The following ARHGAP42 variants were observed in gnomAD, a reference collection of about 807,000 sequenced individuals.
ARHGAP42 encodes the protein Rho GTPase activating protein 42.
ARHGAP42 carries 63 observed loss-of-function variants against 125.0 expected under a neutral mutation model. The observed-to-expected ratio is 0.50, with a 90% CI of 0.41 to 0.62. The LOEUF is 0.62. Ranked by LOEUF, ARHGAP42 falls within the 20% of genes least tolerant of loss-of-function variation. ARHGAP42 has a pLI of 0.00. For synonymous variants in ARHGAP42, 339 were observed against 351.0 expected, an observed-to-expected ratio of 0.97 and a Z score of 0.38; for missense variants, 766 against 1,024.2, an observed-to-expected ratio of 0.75 and a Z score of 3.44.
chr11:100,887,328 G>A (rs866448620), intron 4 of ARHGAP42, among the ~76,000 whole-genome samples: 30 of 152,214 alleles, frequency 2.0e-4, no homozygotes, highest in Admixed American at 5.2e-4. Flanking sequence ...TTGAGCCCTG[G>A]TTCTCTATAG....
chr11:100,849,858 C>A (rs2135125742), intron 3 of ARHGAP42, among the ~76,000 whole-genome samples: 1 of 152,190 alleles, frequency 6.6e-6, no homozygotes, highest in African/African-American at 2.4e-5. Context: ...ACATAAACAT[C>A]CCAAGTAAGT....
intron 2 of ARHGAP42, among the ~76,000 whole-genome samples, chr11:100,779,571 C>CGTATATATACATATATACGT (rs1565210799): frequency 1.7e-5 from 2 of 120,316 alleles, no homozygotes; most frequent in East Asian, 4.2e-4. Context: ...CGTATATATA[C>CGTATATATACATATATACGT]GTATATATAC....
At chr11:100,954,560 C>T (rs1023850426) in intron 12 of ARHGAP42, among the ~76,000 whole-genome samples, 5 of 152,100 alleles carry the variant, frequency 3.3e-5, no homozygotes, top group African/African-American at 1.2e-4. Flanking sequence ...ATGCAGTTAC[C>T]ATCTGTTATG....
At chr11:100,705,906 A>ATCAT (rs1374283119) in intron 1 of ARHGAP42, among the ~76,000 whole-genome samples, 1 of 150,886 alleles carries the variant, frequency 6.6e-6, no homozygotes, top group African/African-American at 2.4e-5. Flanking sequence ...TAGACCATGT[A>ATCAT]TCATTGCTTA....
At position 100,965,733 on chromosome 11, in the gene ARHGAP42, A is replaced by G; in HGVS notation, c.1507A>G (p.Lys503Glu). Reference sequence around the variant, plus strand: ...TGCATTGGTGCACAAATTGCCGGAGAAAAACAGAGAGATGCTGGACATCTT... The same window carrying G: ...TGCATTGGTGCACAAATTGCCGGAGGAAAACAGAGAGATGCTGGACATCTT... ...VHALVHKLPEKNREMLDILIK... is the reference protein window; with the variant it reads ...VHALVHKLPEENREMLDILIK... The change falls in exon 17 of 24, where the codon AAA (lysine) becomes GAA (glutamate). Residue 503 changes from lysine (K) to glutamate (E), a missense_variant. By Grantham distance (56) the Lys-to-Glu change is moderately conservative. Coordinates refer to ENST00000298815, the MANE Select transcript of ARHGAP42 (RefSeq NM_152432.4). The G allele has an allele frequency of 6.4e-7, 1 of 1,551,228 alleles. No individual in the cohort carries two copies.
At chr11:100,892,305 A>G (rs145628956) in intron 4 of ARHGAP42, among the ~76,000 whole-genome samples, 87 of 152,328 alleles carry the variant, frequency 5.7e-4, no homozygotes, top group African/African-American at 1.7e-3. Flanking sequence ...AAAGCCCTAA[A>G]TTATTGCAGT....
chr11:100,830,329 T>G (rs1274532687), intron 3 of ARHGAP42, among the ~76,000 whole-genome samples: 1 of 152,188 alleles, frequency 6.6e-6, no homozygotes, highest in East Asian at 1.9e-4. Flanking sequence ...AAGGATACCA[T>G]GCTACTTAAG....
At chr11:100,709,924 C>G (rs576651165) in intron 1 of ARHGAP42, among the ~76,000 whole-genome samples, 4 of 152,182 alleles carry the variant, frequency 2.6e-5, no homozygotes, top group South Asian at 4.1e-4. Flanking sequence ...CATCTGTTAT[C>G]CTGAAATGAA....
chr11:100,817,651 A>G (rs1864300047), intron 3 of ARHGAP42, among the ~76,000 whole-genome samples: 1 of 152,210 alleles, frequency 6.6e-6, no homozygotes, highest in Admixed American at 6.5e-5. Flanking sequence ...TAAGCCAGAC[A>G]TTACTCTAAG....
chr11:100,736,863 A>G (rs1247445113), intron 1 of ARHGAP42, among the ~76,000 whole-genome samples: 1 of 152,178 alleles, frequency 6.6e-6, no homozygotes, highest in Admixed American at 6.5e-5. Context: ...ATTTTTCCTT[A>G]CCTTTGATCA....
intron 4 of ARHGAP42, among the ~76,000 whole-genome samples, chr11:100,882,185 T>A (rs1457595322): frequency 6.6e-6 from 1 of 152,192 alleles, no homozygotes; most frequent in African/African-American, 2.4e-5. Flanking sequence ...TCAGAAGGAA[T>A]GCTTTCAACT....
At chr11:100,814,432 C>T (rs2135064745) in intron 3 of ARHGAP42, among the ~76,000 whole-genome samples, 1 of 151,536 alleles carries the variant, frequency 6.6e-6, no homozygotes, top group African/African-American at 2.4e-5. Context: ...GCTTTGAAAT[C>T]TAACTCTTTG....
intron 4 of ARHGAP42, among the ~76,000 whole-genome samples, chr11:100,878,138 C>A (rs1865869255): frequency 6.8e-6 from 1 of 146,596 alleles, no homozygotes; most frequent in African/African-American, 2.5e-5. Flanking sequence ...TTCTTTTTTT[C>A]TTTTTTTGAG....
intron 1 of ARHGAP42, among the ~76,000 whole-genome samples, chr11:100,740,900 T>C (rs1862170754): frequency 6.6e-6 from 1 of 152,186 alleles, no homozygotes; most frequent in South Asian, 2.1e-4. Flanking sequence ...CTTTAATTAG[T>C]TATTCCTGGA....
At chr11:100,780,229 C>T (rs1036165204) in intron 2 of ARHGAP42, among the ~76,000 whole-genome samples, 17 of 151,770 alleles carry the variant, frequency 1.1e-4, no homozygotes, top group African/African-American at 4.1e-4. Context: ...GTGGTAAACC[C>T]CTTTTTTAAA....
At chr11:100,915,734 A>G (rs2135235148) in intron 5 of ARHGAP42, among the ~76,000 whole-genome samples, 1 of 152,298 alleles carries the variant, frequency 6.6e-6, no homozygotes, top group East Asian at 1.9e-4. Flanking sequence ...ACCTCACTCC[A>G]CAAGTACACA....
chr11:100,723,934 C>T (rs1861809750), intron 1 of ARHGAP42, among the ~76,000 whole-genome samples: 1 of 152,116 alleles, frequency 6.6e-6, no homozygotes, highest in African/African-American at 2.4e-5. Context: ...TCCTGTCAAT[C>T]TTCCTAATTT....
intron 1 of ARHGAP42, among the ~76,000 whole-genome samples, chr11:100,721,025 A>G (rs961118325): frequency 3.3e-5 from 5 of 152,070 alleles, no homozygotes; most frequent in Non-Finnish European, 5.9e-5. Context: ...CCCCATACAC[A>G]TATGAAGTCA....
intron 3 of ARHGAP42, among the ~76,000 whole-genome samples, chr11:100,826,230 G>A (rs1042026856): frequency 7.9e-5 from 12 of 152,020 alleles, no homozygotes; most frequent in Admixed American, 5.2e-4. Flanking sequence ...TGTGGAATAC[G>A]TCCTATAATT....
Sources: allele counts gnomAD v4.1 joint callset (sites outside exome capture counted in the v4.1 genomes callset), GRCh38; gene constraint gnomAD v4.1.1; transcripts MANE v1.5; gene names NCBI Gene and HGNC (gene_info 2026-07-23, HGNC 2026-07-21).